DNAH9: variants seen among roughly 807,000 people sequenced by gnomAD.
DNAH9 encodes dynein axonemal heavy chain 9.
A neutral mutation model predicts 471.6 loss-of-function variants in DNAH9; 345 were observed. The ratio of observed to expected loss-of-function variants is 0.73; its 90% CI spans 0.67 to 0.80. The LOEUF (loss-of-function observed/expected upper bound fraction) is 0.80, where lower values mean the gene tolerates loss of function less well. Ranked by LOEUF, DNAH9 falls within the 30% of genes least tolerant of loss-of-function variation. DNAH9 has a pLI of 0.00. For missense variants in DNAH9, 5,407 were observed against 5,609.2 expected (o/e 0.96, Z 1.15); for synonymous variants, 2,093 against 2,123.6 (o/e 0.99, Z 0.40).
chr17:11,968,813 T>C (rs926565779), intron 68 of DNAH9, among the ~76,000 whole-genome samples: 1 of 152,138 alleles, frequency 6.6e-6, no homozygotes, highest in Non-Finnish European at 1.5e-5. Context: ...TGAGTAAAGA[T>C]AGAATGTAGC....
In DNAH9 at chr17:11,769,220, C is replaced by T; in HGVS notation, c.7443C>T (p.Gly2481=). ...CTGTCATGCTGGTGGGCACGGCTGG[C>T]ACTGGCAAGTCGGTGCTGGTGGGAG... ...QRPVMLVGTA[G]TGKSVLVGAK... is the part of the protein sequence containing the mutation. The change falls in exon 38 of 69, where the codon GGC becomes GGT. Residue 2481 remains glycine (G), a synonymous_variant. Transcript: ENST00000262442. 6.2e-7 allele frequency: 1 copy of T among 1,614,200 alleles called. No individual in the cohort carries two copies. The highest frequency in any genetic ancestry group is 1.1e-5 in the South Asian group (1 of 91,086).
At chr17:11,653,032 C>T (rs754277759) in intron 14 of DNAH9, 30 bp downstream of exon 14, 1 of 1,607,966 alleles carries the variant, frequency 6.2e-7, no homozygotes, top group Admixed American at 1.7e-5. Context: ...GGCGCACATA[C>T]TACGAGTTTA....
intron 4 of DNAH9, among the ~76,000 whole-genome samples, chr17:11,614,158 A>T (rs1360120709): frequency 1.3e-5 from 2 of 152,198 alleles, no homozygotes; most frequent in Non-Finnish European, 2.9e-5. Flanking sequence ...ATTTGGCAGG[A>T]TCTTCTAAGC....
At chr17:11,760,390 G>A (rs1967612667) in intron 35 of DNAH9, among the ~76,000 whole-genome samples, 1 of 152,124 alleles carries the variant, frequency 6.6e-6, no homozygotes, top group Non-Finnish European at 1.5e-5. Context: ...GTGTGCCGGT[G>A]CATGCACAAG....
At chr17:11,680,037 G>A (rs983302829) in intron 18 of DNAH9, 58 bp downstream of exon 18, 1 of 1,419,880 alleles carries the variant, frequency 7.0e-7, no homozygotes, top group South Asian at 1.2e-5. Context: ...TAGGATTTCA[G>A]AATGGGGTAA....
chr17:11,874,337 T>C (rs1972392320), intron 52 of DNAH9, among the ~76,000 whole-genome samples: 1 of 151,334 alleles, frequency 6.6e-6, no homozygotes, highest in Non-Finnish European at 1.5e-5. Context: ...TGAAGGGGCC[T>C]AAGAGAGGCC....
chr17:11,903,068 C>G (rs1028079352), intron 60 of DNAH9, among the ~76,000 whole-genome samples, 156 bp downstream of exon 60: 1 of 152,186 alleles, frequency 6.6e-6, no homozygotes, highest in African/African-American at 2.4e-5. Flanking sequence ...AGGCCAGGCG[C>G]GGTGGCTCAC....
rs1006170903 is a variant in DNAH9 at position 11,694,399 on chromosome 17, C to T, written c.4824C>T (p.Ser1608=). 1 of 1,613,386 alleles carries T rather than the reference C, an allele frequency of 6.2e-7. No homozygotes were observed. Among genetic ancestry groups the T allele is most frequent in the Non-Finnish European group, 8.5e-7 (1 of 1,179,936 alleles). Residue 1608 remains serine (S), a synonymous_variant, in exon 22 of 69, where the codon TCC becomes TCT. Coordinates refer to ENST00000262442, the MANE Select transcript of DNAH9 (RefSeq NM_001372.4). ...RLAFPRFYFL[S]SSDLLDILSN... ...CCTTCCCGCGGTTTTACTTTCTCTC[C>T]TCCTCCGATCTGTTAGACATCCTTT...
At chr17:11,884,551 C>T in intron 56 of DNAH9, 1 of 456,024 alleles carries the variant, frequency 2.2e-6, no homozygotes. Context: ...GGGATTTCTC[C>T]AAATATGAAA....
At chr17:11,729,957 A>G (rs997286518) in intron 28 of DNAH9, among the ~76,000 whole-genome samples, 2 of 151,884 alleles carry the variant, frequency 1.3e-5, no homozygotes, top group African/African-American at 4.8e-5. Context: ...CAGTCAAGAC[A>G]CTCTGCTGGG....
intron 19 of DNAH9, among the ~76,000 whole-genome samples, chr17:11,683,656 T>A (rs2074179531): frequency 6.6e-6 from 1 of 152,194 alleles, no homozygotes; most frequent in South Asian, 2.1e-4. Flanking sequence ...TCCTGTTTGT[T>A]TTTTCATTTT....
intron 14 of DNAH9, among the ~76,000 whole-genome samples, chr17:11,662,307 T>C (rs1369185610): frequency 6.6e-6 from 1 of 152,212 alleles, no homozygotes; most frequent in African/African-American, 2.4e-5. Context: ...TTCTTCATGC[T>C]TGGAGTTTGT....
At chr17:11,632,858 C>G (rs2073095240) in intron 8 of DNAH9, among the ~76,000 whole-genome samples, 155 bp downstream of exon 8, 1 of 152,122 alleles carries the variant, frequency 6.6e-6, no homozygotes, top group Admixed American at 6.5e-5. Flanking sequence ...CTTCTTATAT[C>G]AAGAAAGTGT....
chr17:11,803,826 C>T (rs2150920800), intron 43 of DNAH9, among the ~76,000 whole-genome samples: 2 of 152,380 alleles, frequency 1.3e-5, no homozygotes, highest in Middle Eastern at 6.8e-3. Context: ...ACTCCTCCTC[C>T]ATGCCTGCCT....
In DNAH9 at chr17:11,719,439, A is replaced by G. The variant is rs1291396285; in HGVS notation, c.5658A>G (p.Ala1886=). The G allele has an allele frequency of 2.5e-6, 4 of 1,613,604 alleles. No homozygotes were observed. Among genetic ancestry groups the G allele is most frequent in the African/African-American group, 2.7e-5 (2 of 74,872 alleles). The stretch of plus-strand genomic sequence containing the variant: ...AGACCACCAAGGACCTGGGCCGCGC[A>G]CTGGGCATCCTGGTCTATGTGTTCA... The part of the protein sequence containing the change: ...KTETTKDLGR[A]LGILVYVFNC... Residue 1886 remains alanine, a synonymous_variant, in exon 27 of 69, where the codon GCA becomes GCG. Transcript: ENST00000262442.
At position 11,701,142 on chromosome 17, in the gene DNAH9, T is replaced by C. The variant is rs543163023; in HGVS notation, c.5046T>C (p.His1682=). ...CSGQVEIWLN[H]VLGHMKATVR... is the part of the protein sequence containing the mutation. ...TTCAGGTAGAAATATGGCTGAACCA[T>C]GTCCTTGGTCACATGAAGGCCACTG... The change falls in exon 24 of 69, where the codon CAT becomes CAC. Residue 1682 remains histidine, a synonymous_variant. Transcript: ENST00000262442. 22 of 1,614,024 alleles carry C rather than the reference T, an allele frequency of 1.4e-5. No individual in the cohort carries two copies. Among genetic ancestry groups the C allele is most frequent in the Non-Finnish European group, 1.8e-5 (21 of 1,180,010 alleles).
Position 11,942,414 on chromosome 17 carries a change from G to A in DNAH9, c.12772G>A (p.Glu4258Lys), listed in dbSNP as rs779191582. ...CCCTTACATTGTAGTTGCCTTCCAG[G>A]AGTGTGGCCGGATGAATATCCTCAC... The part of the protein sequence containing the change: ...RTPYIVVAFQ[E>K]CGRMNILTRE... The change falls in exon 67 of 69, where the codon GAG becomes AAG. Residue 4258 changes from glutamate (E) to lysine (K), a missense_variant. This residue lies in a region of DNAH9 where 4,636 missense variants were observed against 4,900.3 expected (regional missense o/e 0.95). Transcript: ENST00000262442. 3 of 1,614,068 alleles carry A rather than the reference G, an allele frequency of 1.9e-6. No homozygotes were observed. In the South Asian group the frequency reaches 3.3e-5, roughly 18 times the overall value.
In DNAH9 at chr17:11,757,393, A is replaced by T. The variant is rs558098727; in HGVS notation, c.6848-152A>T. 222 of 669,544 alleles carry T rather than the reference A, an allele frequency of 3.3e-4. No homozygotes were observed. In the Middle Eastern group the frequency reaches 4.9e-3, roughly 15 times the overall value. The allele number at this position is 669,544 out of a possible 1,614,324, so 41.5% of individuals were successfully genotyped here. On this transcript the variant is annotated intron_variant, in intron 34 of 68. Coordinates refer to ENST00000262442, the MANE Select transcript of DNAH9 (RefSeq NM_001372.4). ...CGCTGGAGTTGGTCCTCAATAGCAA[A>T]CCCATTTACCCGCTCACATCTTGGC...
At chr17:11,759,930 G>A (rs765687782) in intron 35 of DNAH9, among the ~76,000 whole-genome samples, 1 of 151,952 alleles carries the variant, frequency 6.6e-6, no homozygotes, top group African/African-American at 2.4e-5. Context: ...TTGTGATGTG[G>A]CCGCCTCGGC....
Sources: gnomAD v4.1 joint callset for allele counts (sites outside exome capture counted in the v4.1 genomes callset) on GRCh38, gnomAD v4.1.1 for gene constraint, gnomAD v4.1.1 regional missense constraint, MANE v1.5 for transcripts, NCBI Gene and HGNC (gene_info 2026-07-23, HGNC 2026-07-21) for gene names.